CDIN1: variants seen among roughly 807,000 people sequenced by gnomAD.
CDIN1 encodes CDAN1-interacting nuclease 1.
A neutral mutation model predicts 45.3 loss-of-function variants in CDIN1; 33 were observed. That is an observed-to-expected ratio of 0.73 (90% CI 0.55 to 0.97). CDIN1 has a LOEUF of 0.97. CDIN1 is among the 50% of genes least tolerant of loss of function. CDIN1 has a pLI of 0.00. For missense variants in CDIN1, 303 were observed against 339.4 expected (o/e 0.89, Z 0.84); for synonymous variants, 118 against 124.4 (o/e 0.95, Z 0.34).
chr15:36,648,240 T>TAATA (rs1299178270), intron 3 of CDIN1, among the ~76,000 whole-genome samples: 3 of 152,156 alleles, frequency 2.0e-5, no homozygotes, highest in Non-Finnish European at 4.4e-5. Flanking sequence ...CATTTTTATA[T>TAATA]TGATGAGGTC....
At chr15:36,790,602 C>T (rs1358941297) in intron 10 of CDIN1, among the ~76,000 whole-genome samples, 1 of 152,190 alleles carries the variant, frequency 6.6e-6, no homozygotes, top group Non-Finnish European at 1.5e-5. Context: ...GATTATTACA[C>T]ATTCTACGCA....
intron 10 of CDIN1, among the ~76,000 whole-genome samples, chr15:36,756,918 C>T (rs1440101509): frequency 6.6e-6 from 1 of 152,138 alleles, no homozygotes; most frequent in Non-Finnish European, 1.5e-5. Context: ...AGCTAAATGA[C>T]TTGTCAGGAG....
intron 10 of CDIN1, among the ~76,000 whole-genome samples, chr15:36,713,440 A>G (rs1302586379): frequency 6.6e-6 from 1 of 152,170 alleles, no homozygotes; most frequent in Non-Finnish European, 1.5e-5. Context: ...GCTGGAACAA[A>G]TGGGGCAAAA....
chr15:36,651,684 A>G (rs913826309), intron 3 of CDIN1, among the ~76,000 whole-genome samples: 8 of 152,100 alleles, frequency 5.3e-5, no homozygotes, highest in African/African-American at 1.9e-4. Context: ...TCAGGGTTCT[A>G]TTTCAGGGTT....
At chr15:36,714,958 T>C (rs1005698498) in intron 10 of CDIN1, among the ~76,000 whole-genome samples, 2 of 152,172 alleles carry the variant, frequency 1.3e-5, no homozygotes, top group African/African-American at 4.8e-5. Flanking sequence ...ATAAACTCCT[T>C]ACTTCATGGA....
intron 10 of CDIN1, among the ~76,000 whole-genome samples, chr15:36,784,564 C>A (rs16964052): frequency 1.3e-5 from 2 of 152,042 alleles, no homozygotes; most frequent in African/African-American, 4.8e-5. Flanking sequence ...TCCTGTTGCC[C>A]TTATTATATT....
intron 10 of CDIN1, among the ~76,000 whole-genome samples, chr15:36,746,696 C>T (rs1292626185): frequency 6.6e-6 from 1 of 150,400 alleles, no homozygotes; most frequent in African/African-American, 2.5e-5. Context: ...CACACACACA[C>T]ACTGCTACTT....
intron 1 of CDIN1, chr15:36,626,611 A>G: frequency 3.3e-6 from 1 of 300,164 alleles, no homozygotes; most frequent in South Asian, 3.2e-5. Context: ...AAGGGGTCCA[A>G]CTTCCACTTA....
At chr15:36,719,424 GATTGAT>G (rs2043331146) in intron 10 of CDIN1, among the ~76,000 whole-genome samples, 1 of 152,116 alleles carries the variant, frequency 6.6e-6, no homozygotes, top group African/African-American at 2.4e-5. Flanking sequence ...AATTAATACT[GATTGAT>G]ATTTTAATGT....
intron 5 of CDIN1, among the ~76,000 whole-genome samples, chr15:36,673,622 A>G (rs1442797535): frequency 6.6e-6 from 1 of 152,080 alleles, no homozygotes; most frequent in African/African-American, 2.4e-5. Flanking sequence ...CAAACCAGCC[A>G]GTATGCTTCT....
At chr15:36,733,093 A>T (rs1036125436) in intron 10 of CDIN1, among the ~76,000 whole-genome samples, 6 of 152,020 alleles carry the variant, frequency 3.9e-5, no homozygotes, top group Admixed American at 2.6e-4. Flanking sequence ...ATGATTGTTG[A>T]TGTATAACTT....
chr15:36,581,011 T>C (rs2037016125), intron 1 of CDIN1, among the ~76,000 whole-genome samples: 3 of 152,270 alleles, frequency 2.0e-5, no homozygotes, highest in Admixed American at 1.3e-4. Flanking sequence ...TTGGTTTTCC[T>C]AGTCTGTAAA....
At chr15:36,699,183 AAAG>A (rs1168355596) in intron 8 of CDIN1, among the ~76,000 whole-genome samples, 1 of 152,212 alleles carries the variant, frequency 6.6e-6, no homozygotes, top group Non-Finnish European at 1.5e-5. Context: ...ATCAACCTAT[AAAG>A]AAGTTGTTAA....
chr15:36,796,699 T>A (rs1434115471), intron 10 of CDIN1, among the ~76,000 whole-genome samples: 1 of 152,204 alleles, frequency 6.6e-6, no homozygotes, highest in Non-Finnish European at 1.5e-5. Context: ...TCGGGAACCA[T>A]CCTCTGGAGC....
chr15:36,714,676 T>C (rs555394465), intron 10 of CDIN1, among the ~76,000 whole-genome samples: 1 of 152,096 alleles, frequency 6.6e-6, no homozygotes. Flanking sequence ...CACCCTCAGC[T>C]CCATCCTACA....
chr15:36,801,360 T>C (rs1376795975), intron 10 of CDIN1, among the ~76,000 whole-genome samples: 1 of 152,058 alleles, frequency 6.6e-6, no homozygotes, highest in East Asian at 1.9e-4. Flanking sequence ...AAAATATATG[T>C]AGTGGTTTTC....
intron 10 of CDIN1, among the ~76,000 whole-genome samples, chr15:36,784,380 A>C (rs2054434394): frequency 6.6e-6 from 1 of 152,224 alleles, no homozygotes. Flanking sequence ...TAGGGAGAAA[A>C]AGGAAATTAG....
intron 10 of CDIN1, among the ~76,000 whole-genome samples, chr15:36,770,298 A>C (rs2054036941): frequency 6.6e-6 from 1 of 151,458 alleles, no homozygotes; most frequent in African/African-American, 2.4e-5. Flanking sequence ...GGAGCGAAAG[A>C]GGGAGGGAGG....
At chr15:36,616,061 G>A (rs915552724) in intron 1 of CDIN1, among the ~76,000 whole-genome samples, 5 of 152,080 alleles carry the variant, frequency 3.3e-5, no homozygotes, top group Admixed American at 6.6e-5. Flanking sequence ...AAACATAAGC[G>A]GCATGATGTA....
Sources: gnomAD v4.1 joint callset for allele counts (sites outside exome capture counted in the v4.1 genomes callset) on GRCh38, gnomAD v4.1.1 for gene constraint, MANE v1.5 for transcripts, NCBI Gene and HGNC (gene_info 2026-07-23, HGNC 2026-07-21) for gene names.